Variants in ZIC1 observed in about 807,000 individuals in gnomAD.
ZIC1 encodes Zic family zinc finger 1, also known as zinc finger protein ZIC 1.
A neutral mutation model predicts 30.9 loss-of-function variants in ZIC1; 4 were observed. The ratio of observed to expected loss-of-function variants is 0.13; its 90% CI spans 0.06 to 0.30. ZIC1 has a LOEUF of 0.30. ZIC1 is among the 10% of genes least tolerant of loss of function. The probability of loss-of-function intolerance (pLI) is 1.00; values close to 1 mark genes in which losing one functional copy is unlikely to be tolerated. For missense variants in ZIC1, 441 were observed against 639.3 expected, an observed-to-expected ratio of 0.69 and a Z score of 3.34; for synonymous variants, 305 against 277.5, an observed-to-expected ratio of 1.10 and a Z score of -0.98.
In ZIC1 at chr3:147,412,540, G is replaced by A; in HGVS notation, c.1005G>A (p.Glu335=). The A allele has an allele frequency of 1.2e-6, 2 of 1,614,196 alleles. No homozygotes were observed. Among genetic ancestry groups the A allele is most frequent in the Non-Finnish European group, 1.7e-6 (2 of 1,180,042 alleles). ...THTGEKPFKC[E]FEGCDRRFAN... is the part of the protein sequence containing the mutation. ...CAGGGGAGAAGCCCTTCAAGTGCGA[G>A]TTTGAGGGCTGTGACCGGCGCTTCG... Residue 335 remains glutamate, a synonymous_variant, in exon 2 of 3, where the codon GAG becomes GAA. Transcript: ENST00000282928.
At position 147,412,525 on chromosome 3, in the gene ZIC1, G is replaced by A. The variant is rs2087390116; in HGVS notation, c.990G>A (p.Lys330=). 1.2e-6 allele frequency: 2 copies of A among 1,613,964 alleles called. No homozygotes were observed. Among genetic ancestry groups the A allele is most frequent in the Admixed American group, 1.7e-5 (1 of 59,986 alleles). ...ATTCTACTTTGGCACCAGGGGAGAA[G>A]CCCTTCAAGTGCGAGTTTGAGGGCT... ...KIHKRTHTGE[K]PFKCEFEGCD... Residue 330 remains lysine, a synonymous_variant, in exon 2 of 3, where the codon AAG becomes AAA. Transcript: ENST00000282928.
Position 147,410,291 on chromosome 3 carries a change from G to T in ZIC1, c.179G>T (p.Gly60Val). The T allele has an allele frequency of 6.2e-7, 1 of 1,600,122 alleles. No individual in the cohort carries two copies. The highest frequency in any genetic ancestry group is 8.5e-7 in the Non-Finnish European group (1 of 1,179,456). ...AGTTCGCACGAGCTGGCTTCGGCCGGCCAGACGGCCTTCACGTCGCAGGCG... is the reference window on the plus strand; with the variant it reads ...AGTTCGCACGAGCTGGCTTCGGCCGTCCAGACGGCCTTCACGTCGCAGGCG... The part of the protein sequence containing the change: ...NPSSHELASA[G>V]QTAFTSQAPG... The change falls in exon 1 of 3, where the codon GGC (glycine) becomes GTC (valine). Residue 60 changes from glycine to valine, a missense_variant. Around this residue, in one of 5 missense-constraint regions of ZIC1, gnomAD observed 307 missense variants for 355.3 expected, o/e 0.86. Transcript: ENST00000282928.
Position 147,410,544 on chromosome 3 carries a change from C to G in ZIC1, c.432C>G (p.Pro144=). Reference sequence around the variant, plus strand: ...ACGCCGCGGGCCACCTCCTCTTCCCCGGGCTTCACGAGCAGGCTGCCGGCC... The same window carrying G: ...ACGCCGCGGGCCACCTCCTCTTCCCGGGGCTTCACGAGCAGGCTGCCGGCC... ...HTDAAGHLLF[P]GLHEQAAGHA... is the part of the protein sequence containing the mutation. The change falls in exon 1 of 3, where the codon CCC becomes CCG. Residue 144 remains proline, a synonymous_variant. Transcript: ENST00000282928. The G allele has an allele frequency of 6.2e-7, 1 of 1,610,426 alleles. No homozygotes were observed. The highest frequency in any genetic ancestry group is 8.5e-7 in the Non-Finnish European group (1 of 1,179,140).
At position 147,410,259 on chromosome 3, in the gene ZIC1, C is replaced by T. The variant is rs757550900; in HGVS notation, c.147C>T (p.Leu49=). ...CCGACGGCATGGGCGCCTTCAAGCT[C>T]AACCCCAGTTCGCACGAGCTGGCTT... The part of the protein sequence containing the change: ...PFADGMGAFK[L]NPSSHELASA... The change falls in exon 1 of 3, where the codon CTC becomes CTT. Residue 49 remains leucine (L), a synonymous_variant. Coordinates refer to ENST00000282928, the MANE Select transcript of ZIC1 (RefSeq NM_003412.4). 1 of 1,601,060 alleles carries T rather than the reference C, an allele frequency of 6.2e-7. No individual in the cohort carries two copies. The highest frequency in any genetic ancestry group is 8.5e-7 in the Non-Finnish European group (1 of 1,179,696).
chr3:147,412,741 G>T, intron 2 of ZIC1, 60 bp downstream of exon 2: 1 of 1,570,298 alleles, frequency 6.4e-7, no homozygotes, highest in Non-Finnish European at 8.6e-7. Context: ...TCTCGGCTTG[G>T]GGTCGGGCGG....
Position 147,416,002 on chromosome 3 carries a change from C to T in ZIC1, c.*2451C>T, listed in dbSNP as rs906078654. 4 of 152,114 alleles carry T rather than the reference C, an allele frequency of 2.6e-5. No homozygotes were observed. Among genetic ancestry groups the T allele is most frequent in the Non-Finnish European group, 4.4e-5 (3 of 68,012 alleles). The allele number at this position is 152,114 out of a possible 1,614,324, so 9.4% of individuals were successfully genotyped here. On this transcript the variant is annotated 3_prime_UTR_variant, in exon 3 of 3. Coordinates refer to ENST00000282928, the MANE Select transcript of ZIC1 (RefSeq NM_003412.4). Reference sequence around the variant, plus strand: ...ATTCTGATTATAACAATAATATTGGCTTTTTTCATGAAAAGAGCGCCACCT... The same window carrying T: ...ATTCTGATTATAACAATAATATTGGTTTTTTTCATGAAAAGAGCGCCACCT...
In ZIC1 at chr3:147,413,337, C is replaced by A; in HGVS notation, c.1147-17C>A. 6.2e-7 allele frequency: 1 copy of A among 1,608,162 alleles called. No individual in the cohort carries two copies. The highest frequency in any genetic ancestry group is 1.1e-5 in the South Asian group (1 of 90,550). On this transcript the variant is annotated splice_polypyrimidine_tract_variant and intron_variant, in intron 2 of 2. Coordinates refer to ENST00000282928, the MANE Select transcript of ZIC1 (RefSeq NM_003412.4). The stretch of plus-strand genomic sequence containing the variant: ...CTGGCTCTTTATGTCCGTAAAAACG[C>A]GACTTTATTCCTGCAGGTCCACGAA...
intron 1 of ZIC1, among the ~76,000 whole-genome samples, chr3:147,411,383 G>A (rs1462768334): frequency 2.0e-5 from 3 of 152,192 alleles, no homozygotes; most frequent in African/African-American, 7.2e-5. Context: ...CGGAGACCTT[G>A]GTGCTTTCGA....
rs2087418736 is a variant in ZIC1 at position 147,414,692 on chromosome 3, CGTGATAAA to C, written c.*1142_*1149del. On this transcript the variant is annotated 3_prime_UTR_variant, in exon 3 of 3. Transcript: ENST00000282928. Reference sequence around the variant, plus strand: ...TTTCTGTCACTGCAGGTCGTATAAACGTGATAAATGAATGCTACCCTGCTGGCTCTCCG... The same window carrying C: ...TTTCTGTCACTGCAGGTCGTATAAACTGAATGCTACCCTGCTGGCTCTCCG... The C allele has an allele frequency of 6.6e-6, 1 of 152,542 alleles. No individual in the cohort carries two copies. The highest frequency in any genetic ancestry group is 1.5e-5 in the Non-Finnish European group (1 of 68,030). The allele number at this position is 152,542 out of a possible 1,614,324, so 9.4% of individuals were successfully genotyped here.
chr3:147,413,323 T>A, intron 2 of ZIC1, 31 bp from the exon 3 acceptor site: 1 of 1,603,940 alleles, frequency 6.2e-7, no homozygotes, highest in South Asian at 1.1e-5. Context: ...TGGCTCTTTA[T>A]GTCCGTAAAA....
At position 147,410,521 on chromosome 3, in the gene ZIC1, G is replaced by A. The variant is rs778023386; in HGVS notation, c.409G>A (p.Ala137Thr). Residue 137 changes from alanine to threonine, a missense_variant, in exon 1 of 3, where the codon GCC (alanine) becomes ACC (threonine). Physicochemically the swap from Ala to Thr is moderately conservative, Grantham distance 58. Around this residue, in one of 5 missense-constraint regions of ZIC1, gnomAD observed 307 missense variants for 355.3 expected, o/e 0.86. Coordinates refer to ENST00000282928, the MANE Select transcript of ZIC1 (RefSeq NM_003412.4). ...CGGGGGCCCACACGGCCACACGGAC[G>A]CCGCGGGCCACCTCCTCTTCCCCGG... Reference protein sequence around the residue: ...GFGGPHGHTDAAGHLLFPGLH... With the variant: ...GFGGPHGHTDTAGHLLFPGLH... The A allele has an allele frequency of 3.1e-6, 5 of 1,608,374 alleles. No individual in the cohort carries two copies. Among genetic ancestry groups the A allele is most frequent in the Non-Finnish European group, 4.2e-6 (5 of 1,178,918 alleles).
chr3:147,410,440 G>T lies in ZIC1; in HGVS notation c.328G>T (p.Ala110Ser), dbSNP rs138004710. 1.9e-6 allele frequency: 3 copies of T among 1,603,258 alleles called. No individual in the cohort carries two copies. Among genetic ancestry groups the T allele is most frequent in the South Asian group, 2.2e-5 (2 of 91,022 alleles). Residue 110 changes from alanine to serine, a missense_variant, in exon 1 of 3, where the codon GCG (alanine) becomes TCG (serine). This residue lies in a region of ZIC1 where 307 missense variants were observed against 355.3 expected (regional missense o/e 0.86). Coordinates refer to ENST00000282928, the MANE Select transcript of ZIC1 (RefSeq NM_003412.4). ...GTTCCGCAACCGGGGTTTTGGCGAC[G>T]CGGCGGCGGCAGCCAGCGCACAGCA... The part of the protein sequence containing the change: ...FLFRNRGFGD[A>S]AAAASAQHSL...
rs548638564 is a variant in ZIC1 at position 147,415,537 on chromosome 3, G to A, written c.*1986G>A. 6.6e-6 allele frequency: 1 copy of A among 152,652 alleles called. No individual in the cohort carries two copies. Among genetic ancestry groups the A allele is most frequent in the Non-Finnish European group, 1.5e-5 (1 of 68,044 alleles). 9.5% of individuals were successfully genotyped at this position (152,652 alleles called of 1,614,324 possible). ...ATGATCGCCCCATTAGGCAGACAAC[G>A]TAGCCGGAGATCACAAATCAGGCCC... is the stretch of plus-strand genomic sequence containing the variant. On this transcript the variant is annotated 3_prime_UTR_variant, in exon 3 of 3. Coordinates refer to ENST00000282928, the MANE Select transcript of ZIC1 (RefSeq NM_003412.4).
rs759538522 is a variant in ZIC1 at position 147,410,149 on chromosome 3, G to A, written c.37G>A (p.Gly13Ser). Residue 13 changes from glycine (G) to serine (S), a missense_variant, in exon 1 of 3, where the codon GGC becomes AGC. Physicochemically the swap from Gly to Ser is moderately conservative, Grantham distance 56. Transcript: ENST00000282928. The part of the protein sequence containing the change: ...LDAGPQYPAI[G>S]VTTFGASRHH... ...CGCCGGCCCCCAGTACCCAGCGATCGGCGTGACCACCTTTGGCGCGTCCCG... is the reference window on the plus strand; with the variant it reads ...CGCCGGCCCCCAGTACCCAGCGATCAGCGTGACCACCTTTGGCGCGTCCCG... 1 of 1,595,150 alleles carries A rather than the reference G, an allele frequency of 6.3e-7. No homozygotes were observed. The highest frequency in any genetic ancestry group is 1.7e-5 in the Admixed American group (1 of 59,694).
Position 147,409,601 on chromosome 3 carries a change from G to A in ZIC1, c.-512G>A, listed in dbSNP as rs2087343052. 1 of 153,460 alleles carries A rather than the reference G, an allele frequency of 6.5e-6. No homozygotes were observed. Among genetic ancestry groups the A allele is most frequent in the East Asian group, 1.9e-4 (1 of 5,190 alleles). 9.5% of individuals were successfully genotyped at this position (153,460 alleles called of 1,614,324 possible). ...TGAAGGAGCGAGGAGGCGAGCGTGA[G>A]AGAAAGGAGAGAGAGAGAAAAGAAA... On this transcript the variant is annotated 5_prime_UTR_variant, in exon 1 of 3. Coordinates refer to ENST00000282928, the MANE Select transcript of ZIC1 (RefSeq NM_003412.4).
chr3:147,410,167 G>T lies in ZIC1; in HGVS notation c.55G>T (p.Ala19Ser). 2 of 1,599,190 alleles carry T rather than the reference G, an allele frequency of 1.3e-6. No individual in the cohort carries two copies. Among genetic ancestry groups the T allele is most frequent in the Non-Finnish European group, 1.7e-6 (2 of 1,178,900 alleles). ...YPAIGVTTFG[A>S]SRHHSAGDVA... ...AGCGATCGGCGTGACCACCTTTGGC[G>T]CGTCCCGCCACCACTCCGCGGGCGA... The change falls in exon 1 of 3, where the codon GCG becomes TCG. Residue 19 changes from alanine to serine, a missense_variant. By Grantham distance (99) the Ala-to-Ser change is moderately conservative. Transcript: ENST00000282928.
In ZIC1 at chr3:147,416,319, C is replaced by T. The variant is rs892748641; in HGVS notation, c.*2768C>T. The T allele has an allele frequency of 1.3e-5, 2 of 152,208 alleles. No individual in the cohort carries two copies. Among genetic ancestry groups the T allele is most frequent in the African/African-American group, 4.8e-5 (2 of 41,454 alleles). 9.4% of individuals were successfully genotyped at this position (152,208 alleles called of 1,614,324 possible). On this transcript the variant is annotated 3_prime_UTR_variant, in exon 3 of 3. Coordinates refer to ENST00000282928, the MANE Select transcript of ZIC1 (RefSeq NM_003412.4). ...CTGATATGAGTGTGATAATGATAAA[C>T]ATGATAATAGTGGTACTTTTGTAAT...
intron 1 of ZIC1, among the ~76,000 whole-genome samples, chr3:147,412,161 C>G (rs1431414147): frequency 1.3e-5 from 2 of 151,956 alleles, no homozygotes; most frequent in African/African-American, 4.8e-5. Flanking sequence ...GAATAAGCCG[C>G]AAACGTGAAA....
chr3:147,411,837 A>C lies in ZIC1; in HGVS notation c.983-681A>C, dbSNP rs1383776521. 4.6e-5 allele frequency among the ~76,000 whole-genome samples: 7 copies of C among 152,242 alleles called. 1 individual carries two copies. In the South Asian group the frequency reaches 8.3e-4, roughly 18 times the overall value. On this transcript the variant is annotated intron_variant, in intron 1 of 2. Coordinates refer to ENST00000282928, the MANE Select transcript of ZIC1 (RefSeq NM_003412.4). ...ACAGGTCCGGAACAGTTAAAAAAAA[A>C]AAAAGTTCCCACGAGCTCAGGGTTG...
Sources: gnomAD v4.1 joint callset for allele counts (sites outside exome capture counted in the v4.1 genomes callset) on GRCh38, gnomAD v4.1.1 for gene constraint, gnomAD v4.1.1 regional missense constraint, MANE v1.5 for transcripts, NCBI Gene and HGNC (gene_info 2026-07-23, HGNC 2026-07-21) for gene names.